The following KDM4C variants were observed in gnomAD, a reference collection of about 807,000 sequenced individuals.
The protein encoded by KDM4C is lysine-specific demethylase 4C.
A neutral mutation model predicts 129.3 loss-of-function variants in KDM4C; 81 were observed. The ratio of observed to expected loss-of-function variants is 0.63; its 90% confidence interval spans 0.52 to 0.75. The LOEUF (loss-of-function observed/expected upper bound fraction) is 0.75, where lower values mean the gene tolerates loss of function less well. KDM4C is among the 30% of genes least tolerant of loss of function. KDM4C has a pLI of 0.00. For missense variants in KDM4C, 1,457 were observed against 1,304.0 expected, an observed-to-expected ratio of 1.12 and a Z score of -1.81; for synonymous variants, 573 against 456.1, an observed-to-expected ratio of 1.26 and a Z score of -3.26.
Position 6,974,609 on chromosome 9 carries a change from C to T in KDM4C, c.922-6316C>T, listed in dbSNP as rs1028071067. Among the ~76,000 whole-genome samples the T allele has an allele frequency of 5.3e-5, 8 of 152,174 alleles. No homozygotes were observed. The East Asian group carries it at 9.6e-4, about 18-fold the overall frequency. Reference sequence around the variant, plus strand: ...CTGACCTCAGGTGCTCTGCCCGCTTCGGCCTCTGAAAGTGCTGGGATTCCA... The same window carrying T: ...CTGACCTCAGGTGCTCTGCCCGCTTTGGCCTCTGAAAGTGCTGGGATTCCA... On this transcript the variant is annotated intron_variant, in intron 8 of 21. Transcript: ENST00000381309.
intron 8 of KDM4C, among the ~76,000 whole-genome samples, chr9:6,945,843 G>C (rs1826863210): frequency 6.6e-6 from 1 of 152,086 alleles, no homozygotes; most frequent in South Asian, 2.1e-4. Context: ...AACTTTTCCT[G>C]GTCATGGAAG....
chr9:7,129,929 TAAG>T (rs1367311525), intron 19 of KDM4C, among the ~76,000 whole-genome samples: 1 of 152,120 alleles, frequency 6.6e-6, no homozygotes, highest in African/African-American at 2.4e-5. Flanking sequence ...CACACATAAT[TAAG>T]AAGTTTCAGA....
At chr9:6,824,046 C>G (rs753018992) in intron 4 of KDM4C, among the ~76,000 whole-genome samples, 1 of 152,218 alleles carries the variant, frequency 6.6e-6, no homozygotes, top group Non-Finnish European at 1.5e-5. Context: ...AGACTATATT[C>G]TCTGACCTAG....
intron 19 of KDM4C, among the ~76,000 whole-genome samples, chr9:7,151,504 C>T (rs980206341): frequency 1.3e-5 from 2 of 152,140 alleles, no homozygotes; most frequent in African/African-American, 2.4e-5. Flanking sequence ...AGCAAGACCT[C>T]ATCTCTACTT....
chr9:6,764,552 G>C (rs4740856), intron 1 of KDM4C, among the ~76,000 whole-genome samples: 13,055 of 152,224 alleles, frequency 0.086, 737 homozygotes, highest in South Asian at 0.22. Context: ...CAATAGACTG[G>C]ATTCCCTATG....
chr9:7,050,010 G>A (rs1401718930), intron 17 of KDM4C, among the ~76,000 whole-genome samples: 1 of 151,984 alleles, frequency 6.6e-6, no homozygotes, highest in African/African-American at 2.4e-5. Flanking sequence ...AGCATTTCAG[G>A]CATCATCACT....
intron 15 of KDM4C, among the ~76,000 whole-genome samples, chr9:7,031,073 A>G (rs765847375): frequency 3.9e-5 from 6 of 152,056 alleles, no homozygotes; most frequent in South Asian, 4.1e-4. Flanking sequence ...AAACCCAAAC[A>G]TGAAATGGGT....
intron 7 of KDM4C, 43 bp downstream of exon 7, chr9:6,888,106 AG>A: frequency 9.3e-7 from 1 of 1,078,256 alleles, no homozygotes; most frequent in Non-Finnish European, 1.3e-6. Flanking sequence ...TTGTTTGTGT[AG>A]GATTTGTATT....
chr9:6,928,787 C>T (rs555809501), intron 8 of KDM4C, among the ~76,000 whole-genome samples: 1 of 152,142 alleles, frequency 6.6e-6, no homozygotes, highest in South Asian at 2.1e-4. Flanking sequence ...ATGGCTACCC[C>T]TTGGCTCTGT....
chr9:6,829,129 C>T (rs1432898984), intron 4 of KDM4C, among the ~76,000 whole-genome samples: 1 of 152,122 alleles, frequency 6.6e-6, no homozygotes, highest in Non-Finnish European at 1.5e-5. Flanking sequence ...GAATGGTTTC[C>T]CTGAGGGATA....
intron 5 of KDM4C, among the ~76,000 whole-genome samples, chr9:6,854,440 G>A (rs1025789496): frequency 1.4e-5 from 2 of 147,296 alleles, no homozygotes. Flanking sequence ...AAGGAGAATT[G>A]CTTGAATCTG....
chr9:7,089,426 A>C (rs1402731164), intron 17 of KDM4C, among the ~76,000 whole-genome samples: 2 of 152,198 alleles, frequency 1.3e-5, no homozygotes, highest in Non-Finnish European at 2.9e-5. Context: ...AGAGCAAAGG[A>C]AATAATAAGT....
In KDM4C at chr9:6,880,707, A is replaced by G. The variant is rs140224174; in HGVS notation, c.679+646A>G. On this transcript the variant is annotated intron_variant, in intron 6 of 21. Coordinates refer to ENST00000381309, the MANE Select transcript of KDM4C (RefSeq NM_015061.6). ...TTCTTCTTTAGGGCCAGAATAAAGAACTTTTCTGGACCTCTATTGATGATC... is the reference window on the plus strand; with the variant it reads ...TTCTTCTTTAGGGCCAGAATAAAGAGCTTTTCTGGACCTCTATTGATGATC... Among the ~76,000 whole-genome samples the G allele has an allele frequency of 5.1e-3, 776 of 152,276 alleles. 4 individuals carry two copies. The highest frequency in any genetic ancestry group is 0.02 in the Middle Eastern group (6 of 294).
At chr9:6,967,345 G>T (rs776332194) in intron 8 of KDM4C, among the ~76,000 whole-genome samples, 3 of 151,116 alleles carry the variant, frequency 2.0e-5, no homozygotes, top group South Asian at 2.1e-4. Flanking sequence ...GATCACTTGA[G>T]CCCAGGAGGC....
intron 15 of KDM4C, among the ~76,000 whole-genome samples, chr9:7,037,083 C>T (rs1000241360): frequency 2.0e-5 from 3 of 152,168 alleles, no homozygotes; most frequent in Admixed American, 6.5e-5. Flanking sequence ...GCCACATATC[C>T]AGAAATGGTT....
intron 15 of KDM4C, among the ~76,000 whole-genome samples, chr9:7,025,592 C>T (rs1093702): frequency 0.99 from 151,327 of 152,358 alleles, 75,161 homozygotes; most frequent in Middle Eastern, 1. Context: ...TTTAAGCTGA[C>T]AACCACTTAA....
At chr9:6,791,399 C>G (rs1588288314) in intron 1 of KDM4C, among the ~76,000 whole-genome samples, 1 of 152,318 alleles carries the variant, frequency 6.6e-6, no homozygotes, top group African/African-American at 2.4e-5. Context: ...AACTATCACT[C>G]CCAGCCCTTG....
At chr9:6,780,693 G>C (rs1017141947) in intron 1 of KDM4C, among the ~76,000 whole-genome samples, 2 of 150,006 alleles carry the variant, frequency 1.3e-5, no homozygotes, top group Non-Finnish European at 3.0e-5. Flanking sequence ...GCTTGAACCA[G>C]GGAGGTAGAG....
At chr9:6,868,024 A>C (rs1842315858) in intron 5 of KDM4C, among the ~76,000 whole-genome samples, 1 of 152,150 alleles carries the variant, frequency 6.6e-6, no homozygotes, top group African/African-American at 2.4e-5. Flanking sequence ...CTATACATGA[A>C]AGTTTCTGCA....
Sources: allele counts gnomAD v4.1 joint callset (sites outside exome capture counted in the v4.1 genomes callset), GRCh38; gene constraint gnomAD v4.1.1; transcripts MANE v1.5; gene names NCBI Gene and HGNC (gene_info 2026-07-23, HGNC 2026-07-21).